UBE2G1: variants seen among roughly 807,000 people sequenced by gnomAD.
UBE2G1 encodes ubiquitin-conjugating enzyme E2 G1.
A neutral mutation model predicts 22.7 loss-of-function variants in UBE2G1; 5 were observed. The observed-to-expected ratio is 0.22, with a 90% CI of 0.12 to 0.46. UBE2G1 has a LOEUF of 0.46. Ranked by LOEUF, UBE2G1 falls within the 20% of genes least tolerant of loss-of-function variation. UBE2G1 has a pLI of 0.99. For missense variants in UBE2G1, 88 were observed against 203.9 expected, an observed-to-expected ratio of 0.43 and a Z score of 3.46; for synonymous variants, 74 against 67.5, an observed-to-expected ratio of 1.10 and a Z score of -0.47.
At chr17:4,299,226 G>C (rs997971627) in intron 2 of UBE2G1, among the ~76,000 whole-genome samples, 1 of 152,086 alleles carries the variant, frequency 6.6e-6, no homozygotes, top group Non-Finnish European at 1.5e-5. Context: ...CTAATTATGG[G>C]TTTGAAAGCC....
At chr17:4,288,006 T>C (rs761948694) in intron 4 of UBE2G1, among the ~76,000 whole-genome samples, 3 of 152,190 alleles carry the variant, frequency 2.0e-5, no homozygotes, top group Non-Finnish European at 4.4e-5. Flanking sequence ...GTACTGTGTA[T>C]ATGGAAAGAC....
chr17:4,331,529 A>G (rs1969578276), intron 1 of UBE2G1, among the ~76,000 whole-genome samples: 1 of 152,230 alleles, frequency 6.6e-6, no homozygotes, highest in African/African-American at 2.4e-5. Context: ...CACACTTTTG[A>G]CAACAAAAAG....
chr17:4,289,499 T>A, intron 3 of UBE2G1, 91 bp from the exon 4 acceptor site: 1 of 1,332,688 alleles, frequency 7.5e-7, no homozygotes, highest in Non-Finnish European at 1.0e-6. Flanking sequence ...ATTCACACAG[T>A]ACCTTTATCA....
At chr17:4,324,663 C>A (rs1003551699) in intron 1 of UBE2G1, among the ~76,000 whole-genome samples, 3 of 151,974 alleles carry the variant, frequency 2.0e-5, no homozygotes, top group Non-Finnish European at 4.4e-5. Context: ...AGTGATCCTC[C>A]CAACTCAGCC....
intron 2 of UBE2G1, among the ~76,000 whole-genome samples, chr17:4,304,236 C>T (rs1474039627): frequency 2.6e-5 from 4 of 152,066 alleles, no homozygotes; most frequent in Admixed American, 6.6e-5. Context: ...TGAGCTCAAG[C>T]GATCCACCCT....
chr17:4,301,812 T>TC (rs1567518473), intron 2 of UBE2G1: 41 of 551,064 alleles, frequency 7.4e-5, no homozygotes, highest in South Asian at 5.7e-4. Flanking sequence ...GTGTCTGGAC[T>TC]CCAACAATTT....
intron 1 of UBE2G1, among the ~76,000 whole-genome samples, chr17:4,344,086 T>TTTA (rs1220302677): frequency 6.6e-6 from 1 of 152,296 alleles, no homozygotes; most frequent in African/African-American, 2.4e-5. Context: ...AAGTCCTTCA[T>TTTA]TTATTGAAGG....
At chr17:4,356,218 C>T (rs1969904735) in intron 1 of UBE2G1, among the ~76,000 whole-genome samples, 1 of 151,422 alleles carries the variant, frequency 6.6e-6, no homozygotes, top group Non-Finnish European at 1.5e-5. Flanking sequence ...ACTAGCTGTG[C>T]CTGGTGGCAC....
At chr17:4,284,041 C>A (rs1968928280) in intron 4 of UBE2G1, among the ~76,000 whole-genome samples, 1 of 151,570 alleles carries the variant, frequency 6.6e-6, no homozygotes, top group African/African-American at 2.4e-5. Context: ...CCTGTAGTCC[C>A]AGCTACTTGG....
intron 1 of UBE2G1, among the ~76,000 whole-genome samples, chr17:4,365,988 A>G (rs928234300): frequency 6.6e-6 from 1 of 151,698 alleles, no homozygotes; most frequent in African/African-American, 2.4e-5. Context: ...CTCCCCCGCA[A>G]CGTCCTACAG....
chr17:4,301,955 ATT>A, intron 2 of UBE2G1: 1 of 479,680 alleles, frequency 2.1e-6, no homozygotes, highest in Non-Finnish European at 4.2e-6. Flanking sequence ...TATAAAATGT[ATT>A]CTTTCACTAA....
chr17:4,309,536 C>T (rs919115418), intron 1 of UBE2G1, among the ~76,000 whole-genome samples: 2 of 152,206 alleles, frequency 1.3e-5, no homozygotes, highest in Non-Finnish European at 2.9e-5. Context: ...GTGTACTGAG[C>T]GCCAACTATG....
At position 4,289,237 on chromosome 17, in the gene UBE2G1, T is replaced by A; in HGVS notation, c.419A>T (p.Asp140Val). The change falls in exon 4 of 6, where the codon GAT becomes GTT. Residue 140 changes from aspartate (D) to valine (V), a missense_variant. Physicochemically the swap from Asp to Val is radical, Grantham distance 152. This residue lies in a region of UBE2G1 where 38 missense variants were observed against 132.9 expected (regional missense o/e 0.29). Coordinates refer to ENST00000396981, the MANE Select transcript of UBE2G1 (RefSeq NM_003342.5). ...DPNGDSPANV[D>V]AAKEWREDRN... ...GACGTGTGACCACCTTACCGCAGCA[T>A]CAACATTAGCAGGTGAGTCTCCATT... 1 of 1,552,728 alleles carries A rather than the reference T, an allele frequency of 6.4e-7. No homozygotes were observed. Among genetic ancestry groups the A allele is most frequent in the Admixed American group, 2.1e-5 (1 of 48,776 alleles).
rs188673328 is a variant in UBE2G1 at position 4,343,949 on chromosome 17, A to T, written c.46+22322T>A. Among the ~76,000 whole-genome samples, 102 of 152,238 alleles carry T rather than the reference A, an allele frequency of 6.7e-4. 1 individual carries two copies. The highest frequency in any genetic ancestry group is 9.3e-4 in the Non-Finnish European group (63 of 68,028). The stretch of plus-strand genomic sequence containing the variant: ...TGGTAGATTTCTCCTCAGTTGCAAC[A>T]GATACAAACTCTGGAGACTAAAGCT... On this transcript the variant is annotated intron_variant, in intron 1 of 5. Transcript: ENST00000396981.
At position 4,346,431 on chromosome 17, in the gene UBE2G1, CTT is replaced by C. The variant is rs67852481; in HGVS notation, c.46+19838_46+19839del. Among the ~76,000 whole-genome samples, 100 of 120,486 alleles carry C rather than the reference CTT, an allele frequency of 8.3e-4. 1 individual carries two copies. Among genetic ancestry groups the C allele is most frequent in the African/African-American group, 1.7e-3 (49 of 29,044 alleles). The allele number at this position is 120,486 out of a possible 152,430, so 79.0% of individuals were successfully genotyped here. On this transcript the variant is annotated intron_variant, in intron 1 of 5. Coordinates refer to ENST00000396981, the MANE Select transcript of UBE2G1 (RefSeq NM_003342.5). ...TCTATACAGCTTACATTTTCTTCTT[CTT>C]TTTTTTTTTTTTTTTTTTTGAGACA... is the stretch of plus-strand genomic sequence containing the variant.
rs946883794 is a variant in UBE2G1, at chr17:4,361,226, A to G, written c.46+5045T>C. 1.1e-4 allele frequency among the ~76,000 whole-genome samples: 16 copies of G among 145,886 alleles called. 1 individual carries two copies. The highest frequency in any genetic ancestry group is 2.1e-4 in the South Asian group (1 of 4,684). On this transcript the variant is annotated intron_variant, in intron 1 of 5. Coordinates refer to ENST00000396981, the MANE Select transcript of UBE2G1 (RefSeq NM_003342.5). ...TGACAGAACAAGACTCTGTGTTGGG[A>G]AAAAAAAAATGCAATAGAGGCCAGG...
rs974691338 is a variant in UBE2G1 at position 4,295,822 on chromosome 17, G to A, written c.247+895C>T. Among the ~76,000 whole-genome samples, 3 of 149,852 alleles carry A rather than the reference G, an allele frequency of 2.0e-5. No individual in the cohort carries two copies. The Admixed American group carries it at 2.0e-4, about 10-fold the overall frequency. On this transcript the variant is annotated intron_variant, in intron 3 of 5. Transcript: ENST00000396981. ...AGTTATTGGGGGCTTATATACAGGG[G>A]AGAGAGTCCAGTGGCAGCTGGCTAG...
At position 4,356,459 on chromosome 17, in the gene UBE2G1, T is replaced by G. The variant is rs147791624; in HGVS notation, c.46+9812A>C. Among the ~76,000 whole-genome samples the G allele has an allele frequency of 7.6e-4, 116 of 152,366 alleles. 3 individuals are homozygous for G. In the East Asian group the frequency reaches 0.016, roughly 20 times the overall value. ...GATATCACATCAATTACCTTTGCGT[T>G]CCCGCAGCATCTCAATACAACGGCA... On this transcript the variant is annotated intron_variant, in intron 1 of 5. Transcript: ENST00000396981.
chr17:4,338,475 C>T (rs191838311), intron 1 of UBE2G1, among the ~76,000 whole-genome samples: 135 of 152,194 alleles, frequency 8.9e-4, no homozygotes, highest in African/African-American at 3.2e-3. Flanking sequence ...CAGTTAGCTC[C>T]CCCCTCAACT....
Sources: gnomAD v4.1 joint callset for allele counts (sites outside exome capture counted in the v4.1 genomes callset) on GRCh38, gnomAD v4.1.1 for gene constraint, gnomAD v4.1.1 regional missense constraint, MANE v1.5 for transcripts, NCBI Gene and HGNC (gene_info 2026-07-23, HGNC 2026-07-21) for gene names.